The following AUTS2 variants were observed in gnomAD, a reference collection of about 807,000 sequenced individuals.
The protein encoded by AUTS2 is activator of transcription and developmental regulator AUTS2.
AUTS2 carries 17 observed loss-of-function variants against 112.4 expected under a neutral mutation model. That is an observed-to-expected ratio of 0.15 (90% confidence interval 0.10 to 0.23). The LOEUF is 0.23. Ranked by LOEUF, AUTS2 falls within the 10% of genes least tolerant of loss-of-function variation. AUTS2 has a pLI of 1.00. For synonymous variants in AUTS2, 751 were observed against 702.7 expected (o/e 1.07, Z -1.09); for missense variants, 1,510 against 1,701.6 (o/e 0.89, Z 1.98).
At chr7:70,606,536 T>TA (rs1280414464) in intron 5 of AUTS2, among the ~76,000 whole-genome samples, 1 of 152,108 alleles carries the variant, frequency 6.6e-6, no homozygotes, top group Non-Finnish European at 1.5e-5. Flanking sequence ...GCAGCGCCCA[T>TA]AAGCTTTTCA....
In AUTS2 at chr7:69,945,932, G is replaced by T. The variant is rs372043872; in HGVS notation, c.522+46434G>T. The stretch of plus-strand genomic sequence containing the variant: ...GCTCACGGCAGCCTTGACTTCCTGG[G>T]CTCAAGCAATCTTCCCACCTCAGCC... On this transcript the variant is annotated intron_variant, in intron 2 of 18. Coordinates refer to ENST00000342771, the MANE Select transcript of AUTS2 (RefSeq NM_015570.4). Among the ~76,000 whole-genome samples the T allele has an allele frequency of 2.0e-5, 3 of 152,048 alleles. No individual in the cohort carries two copies. In the East Asian group the frequency reaches 5.8e-4, roughly 29 times the overall value.
intron 3 of AUTS2, among the ~76,000 whole-genome samples, chr7:70,122,044 T>C (rs1805709271): frequency 6.6e-6 from 1 of 152,194 alleles, no homozygotes; most frequent in South Asian, 2.1e-4. Flanking sequence ...TACTACAATA[T>C]GGATGAACTT....
intron 6 of AUTS2, among the ~76,000 whole-genome samples, chr7:70,703,951 T>C (rs1809600476): frequency 6.6e-6 from 1 of 152,166 alleles, no homozygotes; most frequent in African/African-American, 2.4e-5. Context: ...CAGTCCCTCC[T>C]CCTACTCCAT....
Position 70,766,451 on chromosome 7 carries a change from G to A in AUTS2, c.1689+117G>A, listed in dbSNP as rs1789952568. 1 of 1,317,590 alleles carries A rather than the reference G, an allele frequency of 7.6e-7. No individual in the cohort carries two copies. The highest frequency in any genetic ancestry group is 1.1e-6 in the Non-Finnish European group (1 of 944,102). The allele number at this position is 1,317,590 out of a possible 1,614,324, so 81.6% of individuals were successfully genotyped here. On this transcript the variant is annotated intron_variant, in intron 9 of 18. Coordinates refer to ENST00000342771, the MANE Select transcript of AUTS2 (RefSeq NM_015570.4). The surrounding 1 kb of genome is among the most constrained non-coding windows in gnomAD (Gnocchi z 4.8). ...AGAGATCGAATGGGGACTGACGGCT[G>A]TTGGCTGGAGAGAAGGGAATGTGTC...
chr7:70,632,126 C>T (rs1242687544), intron 5 of AUTS2, among the ~76,000 whole-genome samples: 1 of 152,016 alleles, frequency 6.6e-6, no homozygotes, highest in Non-Finnish European at 1.5e-5. Context: ...GGTCAGTACC[C>T]ACCGTGGAGG....
chr7:70,774,144 T>A, intron 12 of AUTS2, 45 bp downstream of exon 12: 1 of 1,590,604 alleles, frequency 6.3e-7, no homozygotes, highest in Non-Finnish European at 8.6e-7. Flanking sequence ...CCAGGGTGTG[T>A]GTGTTTGCAC....
chr7:70,663,587 G>T (rs776253576), intron 5 of AUTS2, among the ~76,000 whole-genome samples: 1 of 151,522 alleles, frequency 6.6e-6, no homozygotes, highest in South Asian at 2.1e-4. Context: ...TTGCCATCTC[G>T]TAAGCCTCTT....
At chr7:69,885,348 G>T (rs567558617) in intron 1 of AUTS2, among the ~76,000 whole-genome samples, 1 of 152,064 alleles carries the variant, frequency 6.6e-6, no homozygotes, top group African/African-American at 2.4e-5. Flanking sequence ...AAATAAATCG[G>T]TGAAGGTTGT....
chr7:70,044,932 G>GT lies in AUTS2; in HGVS notation c.523-73186dup, dbSNP rs35251988. Among the ~76,000 whole-genome samples, 689 of 146,640 alleles carry GT rather than the reference G, an allele frequency of 4.7e-3. 3 individuals are homozygous for GT. Among genetic ancestry groups the GT allele is most frequent in the South Asian group, 9.6e-3 (44 of 4,580 alleles). ...ATGTTTTTAAAGAAACCCATAGCAT[G>GT]TTTTTTTTTTTTTTAACTTAGCTCT... On this transcript the variant is annotated intron_variant, in intron 2 of 18. Coordinates refer to ENST00000342771, the MANE Select transcript of AUTS2 (RefSeq NM_015570.4).
At chr7:70,098,162 A>T (rs376064616) in intron 2 of AUTS2, among the ~76,000 whole-genome samples, 1 of 152,210 alleles carries the variant, frequency 6.6e-6, no homozygotes, top group African/African-American at 2.4e-5. Flanking sequence ...AAAAGCCTGA[A>T]TATAAGAGAA....
At chr7:70,557,139 C>A (rs1801281811) in intron 5 of AUTS2, among the ~76,000 whole-genome samples, 1 of 151,668 alleles carries the variant, frequency 6.6e-6, no homozygotes, top group African/African-American at 2.4e-5. Flanking sequence ...TAATTGGATG[C>A]ATATACCTCA....
chr7:69,607,755 G>A (rs1792810818), intron 1 of AUTS2, among the ~76,000 whole-genome samples: 1 of 152,172 alleles, frequency 6.6e-6, no homozygotes, highest in Admixed American at 6.5e-5. Context: ...GTAAAATGGA[G>A]TCACAAGAGA....
intron 4 of AUTS2, among the ~76,000 whole-genome samples, chr7:70,243,231 TTG>T (rs3078161): frequency 0.26 from 33,555 of 131,286 alleles, 3,832 homozygotes; most frequent in Non-Finnish European, 0.3. Flanking sequence ...GAATGTATCC[TTG>T]TGTGTGTGTG....
At chr7:70,765,755 T>TC (rs1789898066) in intron 8 of AUTS2, among the ~76,000 whole-genome samples, 1 of 152,186 alleles carries the variant, frequency 6.6e-6, no homozygotes, top group Non-Finnish European at 1.5e-5. Context: ...AATATTATTG[T>TC]CCCCCTCTTG....
intron 2 of AUTS2, among the ~76,000 whole-genome samples, chr7:70,044,012 A>T (rs186321546): frequency 3.2e-4 from 49 of 152,138 alleles, no homozygotes; most frequent in Admixed American, 1.8e-3. Flanking sequence ...CTATGAGTGC[A>T]TAAGTGAAAT....
At chr7:70,364,864 A>C (rs1432163110) in intron 4 of AUTS2, among the ~76,000 whole-genome samples, 1 of 152,118 alleles carries the variant, frequency 6.6e-6, no homozygotes, top group Non-Finnish European at 1.5e-5. Flanking sequence ...AGGAAATAAA[A>C]TATTTTTTAT....
At chr7:70,788,033 C>T (rs932365804) in intron 18 of AUTS2, among the ~76,000 whole-genome samples, 5 of 151,972 alleles carry the variant, frequency 3.3e-5, no homozygotes, top group African/African-American at 1.2e-4. Context: ...TGTCTCTGCA[C>T]TTGGTAACCC....
chr7:70,446,464 G>A (rs1205906826), intron 5 of AUTS2, among the ~76,000 whole-genome samples: 1 of 152,142 alleles, frequency 6.6e-6, no homozygotes, highest in Non-Finnish European at 1.5e-5. Flanking sequence ...CCCATTTTGT[G>A]TAGAAAATTT....
At chr7:70,558,970 C>T (rs192479106) in intron 5 of AUTS2, among the ~76,000 whole-genome samples, 121 of 152,344 alleles carry the variant, frequency 7.9e-4, no homozygotes, top group African/African-American at 2.8e-3. Flanking sequence ...CACCTTGAAT[C>T]GCACCTTGAA....
Sources: gnomAD v4.1 joint callset for allele counts (sites outside exome capture counted in the v4.1 genomes callset) on GRCh38, gnomAD v4.1.1 for gene constraint, Gnocchi (gnomAD v3.1) non-coding constraint, MANE v1.5 for transcripts, NCBI Gene and HGNC (gene_info 2026-07-23, HGNC 2026-07-21) for gene names.